Variants in KIF25 observed in about 807,000 individuals in gnomAD.
KIF25 encodes kinesin-like protein KIF25.
Under a neutral mutation model 32.9 loss-of-function variants are expected in KIF25, and 19 were observed. The observed-to-expected ratio is 0.58, with a 90% CI of 0.40 to 0.85. The LOEUF (loss-of-function observed/expected upper bound fraction) is 0.85. Ranked by LOEUF, KIF25 falls within the 40% of genes least tolerant of loss-of-function variation. KIF25 has a pLI of 0.00. For missense variants in KIF25, 485 were observed against 507.0 expected, an observed-to-expected ratio of 0.96 and a Z score of 0.42; for synonymous variants, 225 against 213.7, an observed-to-expected ratio of 1.05 and a Z score of -0.46.
In KIF25 at chr6:167,997,991, T is replaced by C. The variant is rs184904173; in HGVS notation, c.-1478T>C. On this transcript the variant is annotated 5_prime_UTR_variant, in exon 1 of 13. Transcript: ENST00000643607. ...TGTAGTTCAGTGCTCCAAACATTGA[T>C]ATAAGAGAACATTTATTGAGTGCTT... Among the ~76,000 whole-genome samples, 25 of 152,312 alleles carry C rather than the reference T, an allele frequency of 1.6e-4. No individual in the cohort carries two copies. Among genetic ancestry groups the C allele is most frequent in the Admixed American group, 2.0e-4 (3 of 15,296 alleles).
rs773210209 is a variant in KIF25 at position 168,042,616 on chromosome 6, C to A, written c.885C>A (p.Ser295Arg). ...GGGAGATGGCGTGCATCAGCCGCAG[C>A]CTTGCGGCCCTGGCAGGCGTCCTGG... ...ALREMACISRSLAALAGVLGA... is the reference protein window; with the variant it reads ...ALREMACISRRLAALAGVLGA... Residue 295 changes from serine to arginine, a missense_variant, in exon 12 of 13, where the codon AGC (serine) becomes AGA (arginine). Ser to Arg is a moderately radical substitution (Grantham distance 110). This residue lies in a region of KIF25 where 480 missense variants were observed against 470.3 expected (regional missense o/e 1.02). Coordinates refer to ENST00000643607, the MANE Select transcript of KIF25 (RefSeq NM_030615.4). The A allele has an allele frequency of 8.1e-6, 13 of 1,613,966 alleles. 1 individual carries two copies. The highest frequency in any genetic ancestry group is 7.7e-5 in the South Asian group (7 of 91,068).
chr6:168,028,524 C>T (rs532951309), intron 5 of KIF25, among the ~76,000 whole-genome samples: 2 of 152,296 alleles, frequency 1.3e-5, no homozygotes, highest in Admixed American at 6.5e-5. Context: ...TGTCTGAGCC[C>T]GTCCCATCCC....
chr6:168,003,585 G>A (rs1349696498), intron 3 of KIF25, 29 bp from the exon 4 acceptor site: 1 of 152,182 alleles, frequency 6.6e-6, no homozygotes, highest in Admixed American at 6.5e-5. Flanking sequence ...TTCATGATGT[G>A]TATTTTCAAT....
chr6:168,034,410 C>G (rs1798986868), intron 8 of KIF25, among the ~76,000 whole-genome samples: 1 of 152,146 alleles, frequency 6.6e-6, no homozygotes, highest in Non-Finnish European at 1.5e-5. Flanking sequence ...AGGAGTGTGC[C>G]ACCACACCCA....
At chr6:168,007,050 C>T (rs1798589072) in intron 4 of KIF25, among the ~76,000 whole-genome samples, 1 of 152,188 alleles carries the variant, frequency 6.6e-6, no homozygotes, top group Non-Finnish European at 1.5e-5. Context: ...CATTCGACAT[C>T]TACAACATGA....
chr6:168,019,357 A>G (rs73260859), intron 5 of KIF25, among the ~76,000 whole-genome samples: 5,103 of 152,300 alleles, frequency 0.034, 306 homozygotes, highest in African/African-American at 0.12. Flanking sequence ...GAAGGTGAAA[A>G]CAGTTGTTAT....
At position 168,001,647 on chromosome 6, in the gene KIF25, G is replaced by A. The variant is rs1290455813; in HGVS notation, c.-369-896G>A. 3.8e-4 allele frequency among the ~76,000 whole-genome samples: 34 copies of A among 88,776 alleles called. 1 individual carries two copies. Among genetic ancestry groups the A allele is most frequent in the African/African-American group, 1.8e-3 (34 of 18,876 alleles). 58.2% of individuals were successfully genotyped at this position (88,776 alleles called of 152,430 possible). ...CGGGCAGGTGAGAAGACACCTTCAG[G>A]CGTGGCCTCGGGCAGGTGAGAAGAC... On this transcript the variant is annotated intron_variant, in intron 2 of 12. Coordinates refer to ENST00000643607, the MANE Select transcript of KIF25 (RefSeq NM_030615.4).
intron 5 of KIF25, among the ~76,000 whole-genome samples, chr6:168,023,767 T>C (rs1226102144): frequency 6.6e-6 from 1 of 152,228 alleles, no homozygotes; most frequent in Non-Finnish European, 1.5e-5. Context: ...TTCTATTTTA[T>C]CTGCATTACT....
intron 2 of KIF25, among the ~76,000 whole-genome samples, chr6:168,000,296 TC>T (rs1798481337): frequency 1.5e-5 from 1 of 67,778 alleles, no homozygotes; most frequent in African/African-American, 6.0e-5. Flanking sequence ...CCCTCCCCAC[TC>T]CCATCCTGAC....
intron 4 of KIF25, among the ~76,000 whole-genome samples, chr6:168,012,755 C>T (rs1798664844): frequency 6.6e-6 from 1 of 151,958 alleles, no homozygotes; most frequent in South Asian, 2.1e-4. Flanking sequence ...GGGCTGTTTC[C>T]CATGTCTGGG....
At chr6:168,007,994 T>TGA (rs1459686624) in intron 4 of KIF25, among the ~76,000 whole-genome samples, 3 of 152,246 alleles carry the variant, frequency 2.0e-5, no homozygotes, top group African/African-American at 7.2e-5. Context: ...TTAAATGGCC[T>TGA]GAGAGAGAAC....
chr6:168,020,207 C>T (rs1487943273), intron 5 of KIF25, among the ~76,000 whole-genome samples: 2 of 152,116 alleles, frequency 1.3e-5, no homozygotes, highest in African/African-American at 4.8e-5. Flanking sequence ...ACGTTGAAGA[C>T]TCAGGGTCAG....
intron 11 of KIF25, among the ~76,000 whole-genome samples, 190 bp from the exon 12 acceptor site, chr6:168,042,371 A>G (rs542913448): frequency 2.4e-4 from 36 of 152,242 alleles, no homozygotes; most frequent in African/African-American, 8.2e-4. Flanking sequence ...GGGAACAGAA[A>G]ACCTGAGTTC....
chr6:168,004,440 G>GTGA (rs1798551072), intron 4 of KIF25, among the ~76,000 whole-genome samples: 2 of 152,116 alleles, frequency 1.3e-5, no homozygotes, highest in African/African-American at 4.8e-5. Context: ...TTAATTTTTT[G>GTGA]GGTGCTAGAA....
At chr6:168,013,501 C>T (rs1474458662) in intron 4 of KIF25, among the ~76,000 whole-genome samples, 1 of 151,978 alleles carries the variant, frequency 6.6e-6, no homozygotes, top group Non-Finnish European at 1.5e-5. Flanking sequence ...GCTCTGGTCT[C>T]AAGATGGGGC....
rs1042121099 is a variant in KIF25 at position 168,004,916 on chromosome 6, G to C, written c.-163+1213G>C. On this transcript the variant is annotated intron_variant, in intron 4 of 12. Transcript: ENST00000643607. ...TCAAACCAGCATCTAATCAAGTCTT[G>C]GGGACAGTCATTTTAAAGGAGAGAA... Among the ~76,000 whole-genome samples the C allele has an allele frequency of 2.0e-5, 3 of 152,212 alleles. No individual in the cohort carries two copies. In the East Asian group the frequency reaches 5.8e-4, roughly 29 times the overall value.
chr6:168,027,548 G>A (rs940145633), intron 5 of KIF25, among the ~76,000 whole-genome samples: 1 of 151,502 alleles, frequency 6.6e-6, no homozygotes, highest in African/African-American at 2.4e-5. Flanking sequence ...TGAAGAAAAA[G>A]AATGAGAATG....
At chr6:168,014,558 C>A (rs1373290185) in intron 4 of KIF25, among the ~76,000 whole-genome samples, 2 of 152,296 alleles carry the variant, frequency 1.3e-5, no homozygotes, top group Admixed American at 6.5e-5. Flanking sequence ...AGCAAATGAT[C>A]CGTTTTGTGA....
chr6:168,023,781 A>G (rs965304272), intron 5 of KIF25, among the ~76,000 whole-genome samples: 1 of 152,158 alleles, frequency 6.6e-6, no homozygotes, highest in African/African-American at 2.4e-5. Context: ...CATTACTTAC[A>G]TGTTGGTTAG....
Sources: gnomAD v4.1 joint callset for allele counts (sites outside exome capture counted in the v4.1 genomes callset) on GRCh38, gnomAD v4.1.1 for gene constraint, gnomAD v4.1.1 regional missense constraint, MANE v1.5 for transcripts, NCBI Gene and HGNC (gene_info 2026-07-23, HGNC 2026-07-21) for gene names.